The following RNPC3 variants were observed in gnomAD, a reference collection of about 807,000 sequenced individuals.
RNPC3 encodes the protein RNA-binding region-containing protein 3.
Under a neutral mutation model 67.5 loss-of-function variants are expected in RNPC3, and 48 were observed. The observed-to-expected ratio is 0.71, with a 90% CI of 0.56 to 0.90. RNPC3 has a LOEUF of 0.90. Ranked by LOEUF, RNPC3 falls within the 40% of genes least tolerant of loss-of-function variation. The pLI is 0.00. For synonymous variants in RNPC3, 239 were observed against 210.3 expected (o/e 1.14, Z -1.18); for missense variants, 637 against 626.1 (o/e 1.02, Z -0.19).
At chr1:103,534,543 T>A (rs1557756812) in intron 3 of RNPC3, among the ~76,000 whole-genome samples, 1 of 151,980 alleles carries the variant, frequency 6.6e-6, no homozygotes, top group Non-Finnish European at 1.5e-5. Flanking sequence ...TGAAAATGTG[T>A]AGTGCTCAAT....
At chr1:103,550,554 T>C (rs930565208) in intron 12 of RNPC3, among the ~76,000 whole-genome samples, 1 of 146,520 alleles carries the variant, frequency 6.8e-6, no homozygotes, top group Non-Finnish European at 1.5e-5. Context: ...GGTAGGAGAA[T>C]GGCGTGAACC....
intron 2 of RNPC3, among the ~76,000 whole-genome samples, chr1:103,532,186 A>T (rs571868109): frequency 6.6e-6 from 1 of 152,184 alleles, no homozygotes; most frequent in African/African-American, 2.4e-5. Flanking sequence ...CCATTGGTCT[A>T]TGTGCCTATT....
At chr1:103,544,147 T>C (rs1181614641) in intron 9 of RNPC3, among the ~76,000 whole-genome samples, 2 of 151,752 alleles carry the variant, frequency 1.3e-5, no homozygotes, top group East Asian at 3.9e-4. Context: ...AGCAATTTGG[T>C]ATGTGTATAT....
chr1:103,529,044 A>G (rs1342678165), intron 2 of RNPC3, among the ~76,000 whole-genome samples: 2 of 152,200 alleles, frequency 1.3e-5, no homozygotes, highest in Non-Finnish European at 2.9e-5. Flanking sequence ...TTAATATGGA[A>G]TGATAGCCCA....
At chr1:103,532,315 T>C (rs1455318334) in intron 2 of RNPC3, among the ~76,000 whole-genome samples, 1 of 152,142 alleles carries the variant, frequency 6.6e-6, no homozygotes, top group Non-Finnish European at 1.5e-5. Context: ...TACAAGATTT[T>C]TGACCTGAAT....
chr1:103,546,420 GAA>G, intron 11 of RNPC3, 78 bp downstream of exon 11: 2 of 651,072 alleles, frequency 3.1e-6, no homozygotes, highest in Non-Finnish European at 4.9e-6. Context: ...AAGTCTGTTT[GAA>G]ACTACCTTTA....
chr1:103,541,359 A>G lies in RNPC3; in HGVS notation c.777A>G (p.Lys259=), dbSNP rs1483529705. Residue 259 remains lysine (K), a synonymous_variant, in exon 8 of 15, where the codon AAA becomes AAG. Coordinates refer to ENST00000423855, the MANE Select transcript of RNPC3 (RefSeq NM_017619.4). ...CCTCTCCTCATTGTAGAATGAACAA[A>G]TTAATGGAACTAGCAAATCTTCAGC... is the stretch of plus-strand genomic sequence containing the variant. ...TDDEDRQRMN[K]LMELANLQPK... 2.0e-6 allele frequency: 3 copies of G among 1,505,752 alleles called. No individual in the cohort carries two copies. The African/African-American group carries it at 4.3e-5, about 22-fold the overall frequency. The allele number at this position is 1,505,752 out of a possible 1,614,324, so 93.3% of individuals were successfully genotyped here.
At chr1:103,529,834 C>G (rs1310657033) in intron 2 of RNPC3, among the ~76,000 whole-genome samples, 1 of 152,186 alleles carries the variant, frequency 6.6e-6, no homozygotes, top group Non-Finnish European at 1.5e-5. Context: ...CTGTTAGAAC[C>G]TGGGCCGCAC....
rs752010538 is a variant in RNPC3, at chr1:103,550,925, T to G, written c.1362-16T>G. 1 of 1,607,894 alleles carries G rather than the reference T, an allele frequency of 6.2e-7. No individual in the cohort carries two copies. The highest frequency in any genetic ancestry group is 8.5e-7 in the Non-Finnish European group (1 of 1,178,072). On this transcript the variant is annotated splice_polypyrimidine_tract_variant and intron_variant, in intron 12 of 14. Transcript: ENST00000423855. ...AAACTGACATTCTTTGAATCAAAAC[T>G]GTTTCTTCCTTCTAGGTTTGATATA...
chr1:103,544,472 T>G (rs1400801501), intron 9 of RNPC3, among the ~76,000 whole-genome samples: 3 of 151,908 alleles, frequency 2.0e-5, no homozygotes, highest in Non-Finnish European at 4.4e-5. Context: ...TATCATGCCT[T>G]TTTCATAGAA....
rs903982534 is a variant in RNPC3 at position 103,546,441 on chromosome 1, G to T, written c.1302+99G>T. The T allele has an allele frequency of 1.1e-5, 6 of 549,180 alleles. No individual in the cohort carries two copies. The Admixed American group carries it at 2.0e-4, about 18-fold the overall frequency. The allele number at this position is 549,180 out of a possible 1,614,324, so 34.0% of individuals were successfully genotyped here. On this transcript the variant is annotated intron_variant, in intron 11 of 14. Transcript: ENST00000423855. ...GTTTGAAACTACCTTTAAGAATGTGGTTTTCTTACTGTGCTTCAGGGCATG... is the reference window on the plus strand; with the variant it reads ...GTTTGAAACTACCTTTAAGAATGTGTTTTTCTTACTGTGCTTCAGGGCATG...
At position 103,534,789 on chromosome 1, in the gene RNPC3, C is replaced by T. The variant is rs999706228; in HGVS notation, c.375C>T (p.Val125=). Reference sequence around the variant, plus strand: ...TATGTCCCAGGTCTGATGACCCTGTCGAAGATGATAAAGAAAAAAAAGAAC... The same window carrying T: ...TATGTCCCAGGTCTGATGACCCTGTTGAAGATGATAAAGAAAAAAAAGAAC... ...SEKKKRSDDP[V]EDDKEKKELG... Residue 125 remains valine (V), a synonymous_variant, in exon 4 of 15, where the codon GTC becomes GTT. Transcript: ENST00000423855. The T allele has an allele frequency of 9.2e-6, 14 of 1,521,448 alleles. No individual in the cohort carries two copies. Among genetic ancestry groups the T allele is most frequent in the South Asian group, 6.1e-5 (5 of 82,630 alleles). The allele number at this position is 1,521,448 out of a possible 1,614,324, so 94.2% of individuals were successfully genotyped here. A position where few individuals can be genotyped will look rare whatever the true frequency, so the allele number is the denominator to read the frequency against.
intron 10 of RNPC3, 144 bp downstream of exon 10, chr1:103,545,246 C>T: frequency 1.6e-6 from 1 of 632,824 alleles, no homozygotes; most frequent in South Asian, 2.3e-5. Context: ...GTAATCACTT[C>T]TTCTGTTTTT....
rs1464290886 is a variant in RNPC3, at chr1:103,541,336, T to G, written c.768-14T>G. 6.7e-7 allele frequency: 1 copy of G among 1,493,630 alleles called. No homozygotes were observed. Among genetic ancestry groups the G allele is most frequent in the South Asian group, 1.3e-5 (1 of 77,996 alleles). 92.5% of individuals were successfully genotyped at this position (1,493,630 alleles called of 1,614,324 possible). A position where few individuals can be genotyped will look rare whatever the true frequency, so the allele number is the denominator to read the frequency against. On this transcript the variant is annotated splice_polypyrimidine_tract_variant and intron_variant, in intron 7 of 14. Transcript: ENST00000423855. ...GAAAGGAAATTTTGTTTATCATCCC[T>G]CTCCTCATTGTAGAATGAACAAATT...
chr1:103,549,330 A>T (rs893028648), intron 12 of RNPC3, among the ~76,000 whole-genome samples: 4 of 152,226 alleles, frequency 2.6e-5, no homozygotes, highest in East Asian at 1.9e-4. Flanking sequence ...ATACTTTACA[A>T]ATCTTATCTG....
In RNPC3 at chr1:103,536,090, T is replaced by C; in HGVS notation, c.556-36T>C. ...AAAATACAAGATGTGAGTTGAATCA[T>C]TTTATATGTGAATTTAAATGTCTTA... On this transcript the variant is annotated intron_variant, in intron 5 of 14. Transcript: ENST00000423855. The C allele has an allele frequency of 2.1e-6, 3 of 1,431,222 alleles. No homozygotes were observed. In the African/African-American group the frequency reaches 4.2e-5, roughly 20 times the overall value. The allele number at this position is 1,431,222 out of a possible 1,614,324, so 88.7% of individuals were successfully genotyped here.
At chr1:103,551,259 C>T (rs41277626) in intron 13 of RNPC3, 186 bp downstream of exon 13, 1 of 548,172 alleles carries the variant, frequency 1.8e-6, no homozygotes, top group Non-Finnish European at 3.2e-6. Flanking sequence ...AATAAAAGAG[C>T]TTCAGCAGCA....
intron 2 of RNPC3, among the ~76,000 whole-genome samples, chr1:103,530,873 G>T (rs956460980): frequency 6.6e-6 from 1 of 152,102 alleles, no homozygotes; most frequent in African/African-American, 2.4e-5. Context: ...GGTTTTGGGG[G>T]AACAGGTGGT....
At chr1:103,541,151 A>G (rs1651116875) in intron 7 of RNPC3, among the ~76,000 whole-genome samples, 199 bp from the exon 8 acceptor site, 1 of 152,168 alleles carries the variant, frequency 6.6e-6, no homozygotes, top group Admixed American at 6.5e-5. Context: ...GATGAAAGCT[A>G]AGCAAGGCAA....
Sources: allele counts gnomAD v4.1 joint callset (sites outside exome capture counted in the v4.1 genomes callset), GRCh38; gene constraint gnomAD v4.1.1; transcripts MANE v1.5; gene names NCBI Gene and HGNC (gene_info 2026-07-23, HGNC 2026-07-21).